PAAF1: variants seen among roughly 807,000 people sequenced by gnomAD.
PAAF1 encodes the protein proteasomal ATPase-associated factor 1.
Under a neutral mutation model 52.8 loss-of-function variants are expected in PAAF1, and 46 were observed. That is an observed-to-expected ratio of 0.87 (90% CI 0.69 to 1.11). The LOEUF is 1.11. Ranked by LOEUF, PAAF1 falls within the 50% of genes most tolerant of loss-of-function variation. PAAF1 has a pLI of 0.00. For missense variants in PAAF1, 424 were observed against 477.4 expected, an observed-to-expected ratio of 0.89 and a Z score of 1.04; for synonymous variants, 178 against 172.8, an observed-to-expected ratio of 1.03 and a Z score of -0.24.
At position 73,929,331 on chromosome 11, in the gene PAAF1, A is replaced by T. The variant is rs1950424954; in HGVS notation, c.*1969A>T. On this transcript the variant is annotated 3_prime_UTR_variant, in exon 12 of 12. Transcript: ENST00000310571. ...TCATAGTGCTGGCATTACAGGCATG[A>T]GCCACGGCACTCAACCAGGAACTTT... 6.6e-6 allele frequency: 1 copy of T among 152,250 alleles called. No individual in the cohort carries two copies. Among genetic ancestry groups the T allele is most frequent in the South Asian group, 2.1e-4 (1 of 4,834 alleles). 9.4% of individuals were successfully genotyped at this position (152,250 alleles called of 1,614,324 possible).
At chr11:73,906,786 G>A (rs1422546967) in intron 6 of PAAF1, among the ~76,000 whole-genome samples, 1 of 152,188 alleles carries the variant, frequency 6.6e-6, no homozygotes, top group Non-Finnish European at 1.5e-5. Context: ...ACGCTGAGTT[G>A]CTGTAGAGTT....
upstream of PAAF1, chr11:73,876,828 A>C: frequency 2.0e-6 from 1 of 501,244 alleles, no homozygotes. Context: ...GCGGTTGGGG[A>C]TCCTCTGTAC....
intron 3 of PAAF1, 139 bp from the exon 4 acceptor site, chr11:73,890,973 G>T: frequency 1.7e-6 from 1 of 590,122 alleles, no homozygotes; most frequent in South Asian, 1.8e-5. Flanking sequence ...TAGTTTTGTG[G>T]GGTGGGAAAG....
In PAAF1 at chr11:73,928,153, A is replaced by G. The variant is rs1373718814; in HGVS notation, c.*791A>G. ...ATCCTAGACCTAAATCAGAAATTCT[A>G]CGGGTGCAGCCAGCAGTCTGTATTT... On this transcript the variant is annotated 3_prime_UTR_variant, in exon 12 of 12. Transcript: ENST00000310571. The G allele has an allele frequency of 1.3e-5, 2 of 152,260 alleles. No homozygotes were observed. The highest frequency in any genetic ancestry group is 6.5e-5 in the Admixed American group (1 of 15,282). The allele number at this position is 152,260 out of a possible 1,614,324, so 9.4% of individuals were successfully genotyped here. A position where few individuals can be genotyped will look rare whatever the true frequency, so the allele number is the denominator to read the frequency against.
At chr11:73,917,785 C>T (rs919564305) in intron 9 of PAAF1, among the ~76,000 whole-genome samples, 14 of 151,686 alleles carry the variant, frequency 9.2e-5, no homozygotes, top group Non-Finnish European at 1.5e-4. Flanking sequence ...GCAGGAGGAT[C>T]GCTTGAACCT....
chr11:73,903,204 T>A (rs1949670967), intron 6 of PAAF1, among the ~76,000 whole-genome samples: 1 of 152,196 alleles, frequency 6.6e-6, no homozygotes, highest in Non-Finnish European at 1.5e-5. Flanking sequence ...GGCTGGCCTC[T>A]TATCAGGTCA....
intron 7 of PAAF1, among the ~76,000 whole-genome samples, chr11:73,911,304 T>C (rs1949922013): frequency 1.3e-5 from 2 of 152,114 alleles, no homozygotes; most frequent in African/African-American, 4.8e-5. Flanking sequence ...CCTCTCACCC[T>C]CTCGAGTAGC....
upstream of PAAF1, chr11:73,876,772 A>C (rs1385498257): frequency 1.6e-5 from 6 of 369,598 alleles, no homozygotes; most frequent in Non-Finnish European, 2.9e-5. Flanking sequence ...AGGTGGGAGA[A>C]GAGGGCCCGA....
At chr11:73,900,854 C>T (rs1408514098) in intron 6 of PAAF1, among the ~76,000 whole-genome samples, 1 of 150,416 alleles carries the variant, frequency 6.6e-6, no homozygotes. Flanking sequence ...TAGTGGCGGG[C>T]GCCTGTAGTC....
intron 9 of PAAF1, among the ~76,000 whole-genome samples, chr11:73,918,352 ATTTTTTTTTTTTTTTT>A (rs1157984685): frequency 0.018 from 1,317 of 71,806 alleles, 30 homozygotes; most frequent in African/African-American, 0.063. Flanking sequence ...CAGTTACTTA[ATTTTTTTTTTTTTTTT>A]TTTTTTTTTT....
chr11:73,925,713 TACG>T (rs1286486269), intron 11 of PAAF1, among the ~76,000 whole-genome samples: 6 of 152,190 alleles, frequency 3.9e-5, no homozygotes, highest in Non-Finnish European at 8.8e-5. Context: ...ACGTTTTATA[TACG>T]TTATCTCATG....
intron 6 of PAAF1, among the ~76,000 whole-genome samples, chr11:73,900,762 C>T (rs1565137784): frequency 6.6e-6 from 1 of 151,956 alleles, no homozygotes; most frequent in African/African-American, 2.4e-5. Context: ...GCGGGCGGAT[C>T]ACGAGGTCAG....
chr11:73,914,567 A>C, intron 8 of PAAF1, 63 bp downstream of exon 8: 2 of 1,428,232 alleles, frequency 1.4e-6, no homozygotes, highest in Non-Finnish European at 2.0e-6. Flanking sequence ...TGTCTTAGAA[A>C]GCTATTTTGG....
intron 1 of PAAF1, 65 bp from the exon 2 acceptor site, chr11:73,878,714 C>G: frequency 6.7e-7 from 1 of 1,489,496 alleles, no homozygotes; most frequent in East Asian, 2.3e-5. Context: ...TCTTTCTTCC[C>G]TTGTAACTAT....
intron 4 of PAAF1, among the ~76,000 whole-genome samples, chr11:73,893,806 C>G (rs1292134768): frequency 6.7e-6 from 1 of 150,222 alleles, no homozygotes; most frequent in Admixed American, 6.6e-5. Context: ...TGCTTATAAT[C>G]CCAGCACTTA....
chr11:73,900,855 G>A (rs529964126), intron 6 of PAAF1, among the ~76,000 whole-genome samples: 1 of 150,686 alleles, frequency 6.6e-6, no homozygotes, highest in South Asian at 2.1e-4. Flanking sequence ...AGTGGCGGGC[G>A]CCTGTAGTCC....
Position 73,908,381 on chromosome 11 carries a change from ATGTG to A in PAAF1, c.533-1014_533-1011del, listed in dbSNP as rs1565143883. 1.8e-3 allele frequency among the ~76,000 whole-genome samples: 243 copies of A among 136,808 alleles called. 1 individual carries two copies. The highest frequency in any genetic ancestry group is 6.3e-3 in the African/African-American group (220 of 34,876). The allele number at this position is 136,808 out of a possible 152,430, so 89.8% of individuals were successfully genotyped here. A position where few individuals can be genotyped will look rare whatever the true frequency, so the allele number is the denominator to read the frequency against. ...TGTGTGTATATATATATGTATATATATGTGTGTATATATATATGTGTATATATAT... is the reference window on the plus strand; with the variant it reads ...TGTGTGTATATATATATGTATATATATGTATATATATATGTGTATATATAT... On this transcript the variant is annotated intron_variant, in intron 6 of 11. Transcript: ENST00000310571.
chr11:73,915,236 G>A (rs1458554392), intron 8 of PAAF1, among the ~76,000 whole-genome samples: 1 of 152,136 alleles, frequency 6.6e-6, no homozygotes, highest in Non-Finnish European at 1.5e-5. Context: ...TGTGCTATAT[G>A]TAAAATGATG....
intron 4 of PAAF1, among the ~76,000 whole-genome samples, chr11:73,891,738 G>A (rs953297281): frequency 3.3e-5 from 5 of 152,144 alleles, no homozygotes; most frequent in African/African-American, 1.2e-4. Context: ...TTATGCCACT[G>A]CACTGCAGCC....
Sources: gnomAD v4.1 joint callset for allele counts (sites outside exome capture counted in the v4.1 genomes callset) on GRCh38, gnomAD v4.1.1 for gene constraint, MANE v1.5 for transcripts, NCBI Gene and HGNC (gene_info 2026-07-23, HGNC 2026-07-21) for gene names.